Variants in DGCR2 observed in about 807,000 individuals in gnomAD.
DGCR2 encodes the protein integral membrane protein DGCR2/IDD.
A neutral mutation model predicts 51.6 loss-of-function variants in DGCR2; 24 were observed. The observed-to-expected ratio is 0.47, with a 90% CI of 0.34 to 0.65. The LOEUF (loss-of-function observed/expected upper bound fraction) is 0.65. Among genes scored for constraint, DGCR2 ranks in the 30% least tolerant of loss-of-function variants. The probability of loss-of-function intolerance (pLI) is 0.01; values close to 1 mark genes in which losing one functional copy is unlikely to be tolerated. For synonymous variants in DGCR2, 340 were observed against 315.4 expected (o/e 1.08, Z -0.82); for missense variants, 765 against 772.1 (o/e 0.99, Z 0.11).
rs143004273 is a variant in DGCR2, at chr22:19,115,956, C to A, written c.79+6172G>T. On this transcript the variant is annotated intron_variant, in intron 1 of 9. Transcript: ENST00000263196. ...ATCTGTGATTAACACTAACATTTTG[C>A]CTGATGAAGAGTTTGCTTTATGTCA... 1.8e-3 allele frequency among the ~76,000 whole-genome samples: 279 copies of A among 152,352 alleles called. 1 individual carries two copies. Among genetic ancestry groups the A allele is most frequent in the African/African-American group, 6.5e-3 (270 of 41,588 alleles).
chr22:19,112,134 G>A (rs143496766), intron 1 of DGCR2, among the ~76,000 whole-genome samples: 26,842 of 151,714 alleles, frequency 0.18, 2,529 homozygotes, highest in South Asian at 0.29. Flanking sequence ...TTATCTGGGC[G>A]TGGTGGCACG....
At chr22:19,068,266 G>A (rs1251816242) in intron 2 of DGCR2, 41 bp from the exon 3 acceptor site, 10 of 1,536,110 alleles carry the variant, frequency 6.5e-6, no homozygotes, top group East Asian at 4.7e-5. Flanking sequence ...TCCTGCCTGT[G>A]CAGTCGCAGT....
At chr22:19,093,361 G>GAAAAAAA (rs35223547) in intron 1 of DGCR2, among the ~76,000 whole-genome samples, 1 of 120,492 alleles carries the variant, frequency 8.3e-6, no homozygotes, top group Non-Finnish European at 1.8e-5. Context: ...ACTCCACCTC[G>GAAAAAAA]AAAAAAAAAA....
intron 7 of DGCR2, among the ~76,000 whole-genome samples, chr22:19,045,080 T>C (rs774041544): frequency 2.6e-5 from 4 of 152,258 alleles, no homozygotes; most frequent in African/African-American, 4.8e-5. Context: ...AGAAGCTTTA[T>C]AATTCAAGGT....
chr22:19,101,337 G>C (rs571667069), intron 1 of DGCR2, among the ~76,000 whole-genome samples: 2 of 152,266 alleles, frequency 1.3e-5, no homozygotes, highest in South Asian at 4.2e-4. Flanking sequence ...ACAGATGGGA[G>C]GATAAATAAA....
chr22:19,082,920 T>C (rs60317557), intron 2 of DGCR2, among the ~76,000 whole-genome samples: 14,287 of 151,816 alleles, frequency 0.094, 744 homozygotes, highest in Middle Eastern at 0.15. Flanking sequence ...GAAACACCGA[T>C]TCTACGAAAA....
rs1216008347 is a variant in DGCR2 at position 19,038,676 on chromosome 22, C to T, written c.*189G>A. 4.3e-6 allele frequency: 3 copies of T among 700,080 alleles called. No homozygotes were observed. The highest frequency in any genetic ancestry group is 4.7e-6 in the Non-Finnish European group (2 of 424,242). The allele number at this position is 700,080 out of a possible 1,614,324, so 43.4% of individuals were successfully genotyped here. A position where few individuals can be genotyped will look rare whatever the true frequency, so the allele number is the denominator to read the frequency against. On this transcript the variant is annotated 3_prime_UTR_variant, in exon 10 of 10. Coordinates refer to ENST00000263196, the MANE Select transcript of DGCR2 (RefSeq NM_005137.3). ...TGTTTCTGAAGCCCTCAAGGAAGCTCGGTGCAGGCCATCACTTCTTTTGGC... is the reference window on the plus strand; with the variant it reads ...TGTTTCTGAAGCCCTCAAGGAAGCTTGGTGCAGGCCATCACTTCTTTTGGC...
At chr22:19,070,010 T>C (rs2082796085) in intron 2 of DGCR2, among the ~76,000 whole-genome samples, 1 of 152,208 alleles carries the variant, frequency 6.6e-6, no homozygotes, top group Non-Finnish European at 1.5e-5. Flanking sequence ...CACCCCAAAA[T>C]ACAACCTAAG....
At chr22:19,112,292 A>AC (rs2083325101) in intron 1 of DGCR2, among the ~76,000 whole-genome samples, 1 of 128,958 alleles carries the variant, frequency 7.8e-6, no homozygotes, top group African/African-American at 2.9e-5. Context: ...AAAAAAAAAA[A>AC]CCTAGGAAAA....
At chr22:19,070,984 C>T (rs536845185) in intron 2 of DGCR2, among the ~76,000 whole-genome samples, 2 of 152,246 alleles carry the variant, frequency 1.3e-5, no homozygotes, top group Non-Finnish European at 2.9e-5. Flanking sequence ...GGACAGAACC[C>T]TTACAGACCT....
intron 2 of DGCR2, among the ~76,000 whole-genome samples, chr22:19,082,787 G>GA (rs925749663): frequency 1.3e-5 from 2 of 150,056 alleles, no homozygotes; most frequent in African/African-American, 2.5e-5. Context: ...AAGAAAGAAA[G>GA]AAAGAAAAGA....
intron 7 of DGCR2, among the ~76,000 whole-genome samples, chr22:19,044,719 C>T (rs1289922073): frequency 6.6e-6 from 1 of 152,262 alleles, no homozygotes; most frequent in African/African-American, 2.4e-5. Flanking sequence ...TAGTTTGTTT[C>T]CCTAATGGCC....
At chr22:19,059,587 T>C (rs2082638394) in intron 5 of DGCR2, among the ~76,000 whole-genome samples, 1 of 151,946 alleles carries the variant, frequency 6.6e-6, no homozygotes, top group Admixed American at 6.6e-5. Flanking sequence ...CTCTCAAGCC[T>C]CCCTCCAAGA....
chr22:19,096,421 T>G (rs1471860702), intron 1 of DGCR2, among the ~76,000 whole-genome samples: 1 of 152,140 alleles, frequency 6.6e-6, no homozygotes, highest in Non-Finnish European at 1.5e-5. Context: ...AATGGTTTAT[T>G]CTATACTTCA....
intron 4 of DGCR2, among the ~76,000 whole-genome samples, chr22:19,064,222 G>A (rs1001429498): frequency 2.0e-5 from 3 of 152,274 alleles, no homozygotes; most frequent in African/African-American, 7.2e-5. Flanking sequence ...GCTGTCCTCA[G>A]AGATGGGGCT....
chr22:19,064,035 G>T (rs903838857), intron 4 of DGCR2, among the ~76,000 whole-genome samples: 4 of 152,182 alleles, frequency 2.6e-5, no homozygotes, highest in African/African-American at 4.8e-5. Context: ...GAGCATGCAG[G>T]CCTAGCACTG....
chr22:19,095,660 C>CAAAAA (rs560020507), intron 1 of DGCR2, among the ~76,000 whole-genome samples: 5 of 65,244 alleles, frequency 7.7e-5, no homozygotes, highest in African/African-American at 1.8e-4. Context: ...GACTCCGTCT[C>CAAAAA]AAAAAAAAAA....
intron 2 of DGCR2, among the ~76,000 whole-genome samples, chr22:19,085,527 A>C (rs2146005824): frequency 6.6e-6 from 1 of 152,316 alleles, no homozygotes; most frequent in East Asian, 1.9e-4. Flanking sequence ...AGGGCAAATG[A>C]CACACAGAAG....
At chr22:19,100,368 G>C (rs957820676) in intron 1 of DGCR2, among the ~76,000 whole-genome samples, 56 of 152,198 alleles carry the variant, frequency 3.7e-4, no homozygotes, top group Non-Finnish European at 6.0e-4. Flanking sequence ...TAGCATGGCA[G>C]AGGCAGGCCA....
Sources: gnomAD v4.1 joint callset for allele counts (sites outside exome capture counted in the v4.1 genomes callset) on GRCh38, gnomAD v4.1.1 for gene constraint, MANE v1.5 for transcripts, NCBI Gene and HGNC (gene_info 2026-07-23, HGNC 2026-07-21) for gene names.